Variants in ASAP1 observed in about 807,000 individuals in gnomAD.
The protein encoded by ASAP1 is ArfGAP with SH3 domain, ankyrin repeat and PH domain 1.
Under a neutral mutation model 145.2 loss-of-function variants are expected in ASAP1, and 43 were observed. That is an observed-to-expected ratio of 0.30 (90% CI 0.23 to 0.38). The LOEUF (loss-of-function observed/expected upper bound fraction) is 0.38. ASAP1 is among the 10% of genes least tolerant of loss of function. ASAP1 has a pLI of 1.00. For missense variants in ASAP1, 1,018 were observed against 1,355.3 expected, an observed-to-expected ratio of 0.75 and a Z score of 3.91; for synonymous variants, 546 against 515.5, an observed-to-expected ratio of 1.06 and a Z score of -0.80.
intron 3 of ASAP1, among the ~76,000 whole-genome samples, chr8:130,335,344 C>T (rs1021678649): frequency 3.3e-5 from 5 of 152,062 alleles, no homozygotes; most frequent in African/African-American, 1.2e-4. Flanking sequence ...TTTATGACCC[C>T]TATTTTACAG....
chr8:130,281,885 T>C (rs1356307368), intron 3 of ASAP1, among the ~76,000 whole-genome samples: 2 of 152,028 alleles, frequency 1.3e-5, no homozygotes, highest in African/African-American at 4.8e-5. Flanking sequence ...GCCAACATAG[T>C]GAAACCCCAT....
chr8:130,307,852 A>T (rs1370223197), intron 3 of ASAP1, among the ~76,000 whole-genome samples: 1 of 152,142 alleles, frequency 6.6e-6, no homozygotes, highest in Non-Finnish European at 1.5e-5. Context: ...CAAATTTCTT[A>T]CTCCTTCTAC....
chr8:130,063,940 G>A (rs1367947807), intron 27 of ASAP1, among the ~76,000 whole-genome samples: 1 of 152,146 alleles, frequency 6.6e-6, no homozygotes, highest in Non-Finnish European at 1.5e-5. Flanking sequence ...CAGGTAAGCA[G>A]GGGAAGGGAG....
In ASAP1 at chr8:130,339,918, ACTT is replaced by A. The variant is rs1304536429; in HGVS notation, c.186+18096_186+18098del. ...CCTCTTGGTCAGTCCTACAGACAGT[ACTT>A]CTTCTGGACTCTCCTTATCCTCACT... On this transcript the variant is annotated intron_variant, in intron 3 of 29. Transcript: ENST00000518721. Among the ~76,000 whole-genome samples, 5 of 152,180 alleles carry A rather than the reference ACTT, an allele frequency of 3.3e-5. No homozygotes were observed. The South Asian group carries it at 1.0e-3, about 32-fold the overall frequency.
intron 15 of ASAP1, among the ~76,000 whole-genome samples, chr8:130,128,904 T>C (rs1357146547): frequency 1.3e-5 from 2 of 152,230 alleles, no homozygotes; most frequent in African/African-American, 4.8e-5. Flanking sequence ...CAAAAAAACC[T>C]ATTATATGAT....
At chr8:130,074,986 G>A (rs2097459018) in intron 27 of ASAP1, among the ~76,000 whole-genome samples, 1 of 152,184 alleles carries the variant, frequency 6.6e-6, no homozygotes, top group African/African-American at 2.4e-5. Flanking sequence ...GCGAGGGAAG[G>A]GAGGGCATGG....
intron 4 of ASAP1, among the ~76,000 whole-genome samples, chr8:130,235,052 A>G (rs1818134123): frequency 6.6e-6 from 1 of 152,012 alleles, no homozygotes; most frequent in Non-Finnish European, 1.5e-5. Flanking sequence ...ATTAGATATT[A>G]TTTTTTAAAT....
intron 1 of ASAP1, among the ~76,000 whole-genome samples, chr8:130,411,979 A>G (rs1316149533): frequency 1.3e-5 from 2 of 151,984 alleles, no homozygotes; most frequent in Non-Finnish European, 2.9e-5. Flanking sequence ...AAAGGAGTTT[A>G]CTCCCTCGCA....
intron 3 of ASAP1, among the ~76,000 whole-genome samples, chr8:130,348,204 A>G (rs999162380): frequency 6.6e-6 from 1 of 152,202 alleles, no homozygotes; most frequent in Non-Finnish European, 1.5e-5. Flanking sequence ...GGCTATTTTA[A>G]TAATAGAGCT....
intron 4 of ASAP1, among the ~76,000 whole-genome samples, chr8:130,221,193 C>T (rs1176645279): frequency 5.3e-5 from 8 of 151,740 alleles, no homozygotes; most frequent in Non-Finnish European, 1.0e-4. Flanking sequence ...GTGATAGTGC[C>T]GCTACTCTCC....
chr8:130,215,957 G>A (rs1816881306), intron 4 of ASAP1, among the ~76,000 whole-genome samples: 1 of 122,606 alleles, frequency 8.2e-6, no homozygotes, highest in South Asian at 2.7e-4. Flanking sequence ...GGGGAAAGGG[G>A]AAAGAAAAAG....
At chr8:130,195,413 G>C (rs1815419914) in intron 5 of ASAP1, 1 of 150,226 alleles carries the variant, frequency 6.7e-6, no homozygotes, top group African/African-American at 2.4e-5. Context: ...GATGAGCTGG[G>C]CATGATGGCG....
chr8:130,239,602 C>T (rs1818408412), intron 3 of ASAP1, among the ~76,000 whole-genome samples: 1 of 152,004 alleles, frequency 6.6e-6, no homozygotes, highest in African/African-American at 2.4e-5. Flanking sequence ...TTGAGATAAA[C>T]CTGAGTTTTA....
At chr8:130,306,245 T>C (rs1167664403) in intron 3 of ASAP1, among the ~76,000 whole-genome samples, 1 of 152,196 alleles carries the variant, frequency 6.6e-6, no homozygotes, top group African/African-American at 2.4e-5. Flanking sequence ...AGTAGGCACT[T>C]AGAAGGTGTT....
At chr8:130,316,834 T>TC (rs1823690603) in intron 3 of ASAP1, among the ~76,000 whole-genome samples, 1 of 152,218 alleles carries the variant, frequency 6.6e-6, no homozygotes, top group Admixed American at 6.5e-5. Context: ...TTTGGGATTT[T>TC]CCCCCTGTAA....
chr8:130,308,357 T>C (rs1823119895), intron 3 of ASAP1, among the ~76,000 whole-genome samples: 1 of 152,194 alleles, frequency 6.6e-6, no homozygotes, highest in African/African-American at 2.4e-5. Flanking sequence ...AACTACTCAA[T>C]ATATAAAATT....
At chr8:130,257,091 C>T (rs770355550) in intron 3 of ASAP1, among the ~76,000 whole-genome samples, 8 of 152,072 alleles carry the variant, frequency 5.3e-5, no homozygotes, top group African/African-American at 1.2e-4. Context: ...CAAATGTCCA[C>T]GCTGATAATA....
intron 3 of ASAP1, among the ~76,000 whole-genome samples, chr8:130,253,413 G>A (rs62525919): frequency 0.36 from 54,620 of 152,060 alleles, 10,625 homozygotes; most frequent in East Asian, 0.59. Context: ...AGATGCATAC[G>A]CTTTGATTTT....
At chr8:130,139,922 TA>T (rs59704449) in intron 13 of ASAP1, among the ~76,000 whole-genome samples, 45 of 139,970 alleles carry the variant, frequency 3.2e-4, no homozygotes, top group Admixed American at 3.5e-4. Flanking sequence ...ATACAAATCT[TA>T]AAAAAAAAAA....
Sources: gnomAD v4.1 joint callset for allele counts (sites outside exome capture counted in the v4.1 genomes callset) on GRCh38, gnomAD v4.1.1 for gene constraint, MANE v1.5 for transcripts, NCBI Gene and HGNC (gene_info 2026-07-23, HGNC 2026-07-21) for gene names.